Variants in HAS3 observed in about 807,000 individuals in gnomAD.
HAS3 encodes HA synthase 3.
In HAS3, 27 loss-of-function variants were observed where a neutral mutation model predicts 50.3. That is an observed-to-expected ratio of 0.54 (90% CI 0.40 to 0.74). HAS3 has a LOEUF of 0.74. Ranked by LOEUF, HAS3 falls within the 30% of genes least tolerant of loss-of-function variation. The probability of loss-of-function intolerance (pLI) is 0.00; values close to 1 mark genes in which losing one functional copy is unlikely to be tolerated. For missense variants in HAS3, 517 were observed against 742.8 expected (o/e 0.70, Z 3.53); for synonymous variants, 339 against 310.9 (o/e 1.09, Z -0.95).
At chr16:69,087,039 A>C in the HAS3 span, among the ~76,000 whole-genome samples, 2 of 148,644 alleles carry the variant, frequency 1.3e-5, no homozygotes, top group Non-Finnish European at 1.5e-5. Flanking sequence ...CCACCTTCCC[A>C]CCTCCCACCG....
At chr16:69,088,630 CA>C in the HAS3 span, among the ~76,000 whole-genome samples, 1 of 150,644 alleles carries the variant, frequency 6.6e-6, no homozygotes, top group Admixed American at 6.6e-5. Context: ...AAAATAAAGT[CA>C]GGAGGGAGGA....
At chr16:69,118,103 A>C, downstream of HAS3, 3 of 522,890 alleles carry the variant, frequency 5.7e-6, no homozygotes, top group East Asian at 6.8e-5. Flanking sequence ...AACAAAGCAC[A>C]GTGATTTCTT....
At chr16:69,089,063 T>C in the HAS3 span, among the ~76,000 whole-genome samples, 2 of 152,094 alleles carry the variant, frequency 1.3e-5, no homozygotes, top group African/African-American at 4.8e-5. Flanking sequence ...CAGCTCCTCT[T>C]CTCTGGTAGC....
upstream of HAS3, among the ~76,000 whole-genome samples, chr16:69,103,238 CT>C (rs938550653): frequency 3.9e-5 from 6 of 152,144 alleles, no homozygotes; most frequent in African/African-American, 1.4e-4. Flanking sequence ...CAAGCCCCTG[CT>C]TATTTTCTCT....
upstream of HAS3, among the ~76,000 whole-genome samples, chr16:69,104,344 T>C (rs1960731945): frequency 6.6e-6 from 1 of 151,526 alleles, no homozygotes; most frequent in Admixed American, 6.6e-5. Context: ...TCGCCCAGGC[T>C]GGAGTACAGT....
rs1961198272 is a variant in HAS3, at chr16:69,116,694, T to C, written c.*1428T>C. ...GCCTCCTGAGGCTGTTTTTGGCTGT[T>C]TTCCCTCTGCTGCTTTTGGGGAATG... On this transcript the variant is annotated 3_prime_UTR_variant, in exon 4 of 4. Coordinates refer to ENST00000569188, the MANE Select transcript of HAS3 (RefSeq NM_001199280.2). 1.0e-6 allele frequency: 1 copy of C among 985,442 alleles called. No homozygotes were observed. Among genetic ancestry groups the C allele is most frequent in the Non-Finnish European group, 1.2e-6 (1 of 829,936 alleles). The allele number at this position is 985,442 out of a possible 1,614,324, so 61.0% of individuals were successfully genotyped here.
rs1321910167 is a variant in HAS3, at chr16:69,114,714, G to C, written c.1110G>C (p.Leu370=). The C allele has an allele frequency of 6.2e-7, 1 of 1,614,026 alleles. No individual in the cohort carries two copies. Among genetic ancestry groups the C allele is most frequent in the Non-Finnish European group, 8.5e-7 (1 of 1,180,048 alleles). ...SYFREWLYNS[L]WFHKHHLWMT... is the part of the protein sequence containing the mutation. Reference sequence around the variant, plus strand: ...TCCGGGAGTGGCTCTACAACTCTCTGTGGTTCCATAAGCACCACCTCTGGA... The same window carrying C: ...TCCGGGAGTGGCTCTACAACTCTCTCTGGTTCCATAAGCACCACCTCTGGA... The change falls in exon 4 of 4, where the codon CTG becomes CTC. Residue 370 remains leucine (L), a synonymous_variant. Transcript: ENST00000569188. This position sits in a 1 kb window ranked among gnomAD's most constrained non-coding sequence, Gnocchi z 6.4.
rs1338728637 is a variant in HAS3, at chr16:69,117,271, T to C, written c.*2005T>C. ...CATTTACTTGAAGATTAATGTAGGA[T>C]GACAGGCTCTCCTGGCTGTCCTACC... On this transcript the variant is annotated 3_prime_UTR_variant, in exon 4 of 4. Transcript: ENST00000569188. 2 of 985,762 alleles carry C rather than the reference T, an allele frequency of 2.0e-6. No individual in the cohort carries two copies. The highest frequency in any genetic ancestry group is 6.1e-5 in the Admixed American group (1 of 16,270). 61.1% of individuals were successfully genotyped at this position (985,762 alleles called of 1,614,324 possible).
Position 69,111,157 on chromosome 16 carries a change from ATTTTTTTTTTTT to A in HAS3, c.636+1147_636+1158del, listed in dbSNP as rs71148963. ...TAGGACCCTGGATTTCTAGGCCAGG[ATTTTTTTTTTTT>A]TTTTTTTTTTTTTTTTTTTTGAGAC... On this transcript the variant is annotated intron_variant, in intron 2 of 3. Coordinates refer to ENST00000569188, the MANE Select transcript of HAS3 (RefSeq NM_001199280.2). Among the ~76,000 whole-genome samples the A allele has an allele frequency of 7.7e-4, 48 of 62,302 alleles. 1 individual carries two copies. The highest frequency in any genetic ancestry group is 3.4e-3 in the South Asian group (4 of 1,178). 40.9% of individuals were successfully genotyped at this position (62,302 alleles called of 152,430 possible). A position where few individuals can be genotyped will look rare whatever the true frequency, so the allele number is the denominator to read the frequency against.
At chr16:69,084,909 T>C in the HAS3 span, 1 of 152,460 alleles carries the variant, frequency 6.6e-6, no homozygotes, top group South Asian at 2.1e-4. Flanking sequence ...ATCACAGACA[T>C]GGTTCTGAGT....
chr16:69,087,106 C>T, the HAS3 span, among the ~76,000 whole-genome samples: 13 of 152,236 alleles, frequency 8.5e-5, no homozygotes, highest in South Asian at 1.7e-3. Flanking sequence ...CCCTCACCTT[C>T]GGCGTCCTCC....
the HAS3 span, among the ~76,000 whole-genome samples, chr16:69,096,652 C>T: frequency 7.9e-6 from 1 of 126,846 alleles, no homozygotes; most frequent in South Asian, 3.1e-4. Context: ...GAGTGTCGCT[C>T]TGTCACCCAG....
At position 69,116,274 on chromosome 16, in the gene HAS3, G is replaced by C. The variant is rs1431952022; in HGVS notation, c.*1008G>C. ...CATCATCATAGGTAAGGTTTTCAAG[G>C]TGGCAATTGGGGCGGAGCCCCGGCT... On this transcript the variant is annotated 3_prime_UTR_variant, in exon 4 of 4. Transcript: ENST00000569188. The C allele has an allele frequency of 1.0e-6, 1 of 985,574 alleles. No individual in the cohort carries two copies. The allele number at this position is 985,574 out of a possible 1,614,324, so 61.1% of individuals were successfully genotyped here.
chr16:69,115,224 G>A lies in HAS3; in HGVS notation c.1620G>A (p.Gly540=), dbSNP rs1443022278. ...LYLAIIARRC[G]KKPEQYSLAF... ...TGGCCATCATCGCCCGGCGATGTGGGAAGAAGCCGGAGCAGTACAGCTTGG... is the reference window on the plus strand; with the variant it reads ...TGGCCATCATCGCCCGGCGATGTGGAAAGAAGCCGGAGCAGTACAGCTTGG... The change falls in exon 4 of 4, where the codon GGG becomes GGA. Residue 540 remains glycine, a synonymous_variant. Coordinates refer to ENST00000569188, the MANE Select transcript of HAS3 (RefSeq NM_001199280.2). 6.5e-7 allele frequency: 1 copy of A among 1,544,126 alleles called. No homozygotes were observed. The highest frequency in any genetic ancestry group is 8.7e-7 in the Non-Finnish European group (1 of 1,146,440).
Position 69,116,584 on chromosome 16 carries a change from A to G in HAS3, c.*1318A>G, listed in dbSNP as rs1440156302. On this transcript the variant is annotated 3_prime_UTR_variant, in exon 4 of 4. Coordinates refer to ENST00000569188, the MANE Select transcript of HAS3 (RefSeq NM_001199280.2). The stretch of plus-strand genomic sequence containing the variant: ...TTCTTACAGCCAAGTTGTGACAGTC[A>G]CTGCATTTGCCTGCTTCTTTCCAGA... The G allele has an allele frequency of 2.0e-6, 2 of 985,678 alleles. No individual in the cohort carries two copies. Among genetic ancestry groups the G allele is most frequent in the Non-Finnish European group, 2.4e-6 (2 of 829,924 alleles). The allele number at this position is 985,678 out of a possible 1,614,324, so 61.1% of individuals were successfully genotyped here.
the HAS3 span, among the ~76,000 whole-genome samples, chr16:69,088,307 C>A: frequency 2.0e-5 from 3 of 151,956 alleles, no homozygotes. Context: ...CACCTGTAAT[C>A]CCAGCAATTT....
the HAS3 span, among the ~76,000 whole-genome samples, chr16:69,097,908 T>C: frequency 1.3e-5 from 2 of 152,174 alleles, no homozygotes; most frequent in East Asian, 3.9e-4. Context: ...CCCTGCTACA[T>C]TCTCTCAAAG....
upstream of HAS3, among the ~76,000 whole-genome samples, chr16:69,103,351 C>G (rs1278814834): frequency 6.6e-6 from 1 of 152,144 alleles, no homozygotes. Context: ...CAGGAGGTAG[C>G]CCAGGGCTCC....
In HAS3 at chr16:69,116,486, C is replaced by G. The variant is rs1961186864; in HGVS notation, c.*1220C>G. On this transcript the variant is annotated 3_prime_UTR_variant, in exon 4 of 4. Transcript: ENST00000569188. ...TCCAATGGAAAGCTTTTCAGTGTTC[C>G]CAAAGTGAACTCTCAAATCCAAAAT... is the stretch of plus-strand genomic sequence containing the variant. 1.0e-6 allele frequency: 1 copy of G among 985,828 alleles called. No individual in the cohort carries two copies. Among genetic ancestry groups the G allele is most frequent in the Non-Finnish European group, 1.2e-6 (1 of 829,894 alleles). The allele number at this position is 985,828 out of a possible 1,614,324, so 61.1% of individuals were successfully genotyped here.
Sources: allele counts gnomAD v4.1 joint callset (sites outside exome capture counted in the v4.1 genomes callset), GRCh38; gene constraint gnomAD v4.1.1; non-coding constraint Gnocchi (gnomAD v3.1); transcripts MANE v1.5; gene names NCBI Gene and HGNC (gene_info 2026-07-23, HGNC 2026-07-21).